The following MYOF variants were observed in gnomAD, a reference collection of about 807,000 sequenced individuals.
The protein encoded by MYOF is myoferlin.
Under a neutral mutation model 284.2 loss-of-function variants are expected in MYOF, and 244 were observed. The ratio of observed to expected loss-of-function variants is 0.86; its 90% CI spans 0.77 to 0.95. MYOF has a LOEUF of 0.95. Ranked by LOEUF, MYOF falls within the 40% of genes least tolerant of loss-of-function variation. The probability of loss-of-function intolerance (pLI) is 0.00; values close to 1 mark genes in which losing one functional copy is unlikely to be tolerated. For missense variants in MYOF, 2,496 were observed against 2,560.6 expected (o/e 0.97, Z 0.54); for synonymous variants, 904 against 919.7 (o/e 0.98, Z 0.31).
chr10:93,454,987 T>TAAAAAAA (rs56013436), intron 2 of MYOF, among the ~76,000 whole-genome samples: 1 of 58,660 alleles, frequency 1.7e-5, no homozygotes. Flanking sequence ...TTTTTTTAAT[T>TAAAAAAA]AAAAAAAAAA....
chr10:93,453,213 T>A (rs2134311029), intron 2 of MYOF, among the ~76,000 whole-genome samples: 1 of 152,108 alleles, frequency 6.6e-6, no homozygotes, highest in South Asian at 2.1e-4. Flanking sequence ...TTGCCCAGGC[T>A]AGAGTGCAGT....
chr10:93,325,648 G>A (rs1410950187), intron 46 of MYOF, among the ~76,000 whole-genome samples, 178 bp downstream of exon 46: 30 of 152,182 alleles, frequency 2.0e-4, no homozygotes, highest in Admixed American at 2.0e-3. Context: ...TAGATTTAGA[G>A]AGTTACCTGA....
At chr10:93,403,092 T>C (rs141804395) in intron 9 of MYOF, among the ~76,000 whole-genome samples, 83 of 152,296 alleles carry the variant, frequency 5.4e-4, no homozygotes, top group Middle Eastern at 3.4e-3. Context: ...TAAGTCACTA[T>C]TGAATGAATG....
At chr10:93,366,285 G>T (rs1416306112) in intron 26 of MYOF, 107 bp downstream of exon 26, 5 of 1,164,868 alleles carry the variant, frequency 4.3e-6, no homozygotes, top group Middle Eastern at 2.0e-4. Context: ...TGCTCAGTGG[G>T]TGTTACATAA....
chr10:93,447,019 G>C (rs1417882468), intron 3 of MYOF, among the ~76,000 whole-genome samples: 1 of 152,008 alleles, frequency 6.6e-6, no homozygotes, highest in Non-Finnish European at 1.5e-5. Context: ...ACCCAGCCTC[G>C]TTTGGTCTTT....
rs56249106 is a variant in MYOF at position 93,406,568 on chromosome 10, A to G, written c.729+2219T>C. Among the ~76,000 whole-genome samples the G allele has an allele frequency of 3.6e-3, 538 of 150,648 alleles. 21 individuals are homozygous for G. In the East Asian group the frequency reaches 0.088, roughly 25 times the overall value. On this transcript the variant is annotated intron_variant, in intron 7 of 53. Coordinates refer to ENST00000359263, the MANE Select transcript of MYOF (RefSeq NM_013451.4). ...TAATCCAGCATCTTGCCTCCTCCCC[A>G]CCCATCCAGTCTTGCCCTCCAACGT...
At chr10:93,462,065 C>T (rs1435834519) in intron 1 of MYOF, among the ~76,000 whole-genome samples, 2 of 149,394 alleles carry the variant, frequency 1.3e-5, no homozygotes, top group African/African-American at 4.9e-5. Context: ...GGGATGCTCA[C>T]TGCAGGCTGG....
chr10:93,424,779 A>AC (rs954932978), intron 5 of MYOF, among the ~76,000 whole-genome samples: 1 of 152,108 alleles, frequency 6.6e-6, no homozygotes, highest in Non-Finnish European at 1.5e-5. Context: ...ACTGGGCAGG[A>AC]CAGGCAGGGA....
At position 93,316,833 on chromosome 10, in the gene MYOF, G is replaced by C; in HGVS notation, c.5599-20C>G. 1 of 1,589,920 alleles carries C rather than the reference G, an allele frequency of 6.3e-7. No individual in the cohort carries two copies. The highest frequency in any genetic ancestry group is 8.6e-7 in the Non-Finnish European group (1 of 1,158,466). On this transcript the variant is annotated intron_variant, in intron 49 of 53. Coordinates refer to ENST00000359263, the MANE Select transcript of MYOF (RefSeq NM_013451.4). ...ATGCTCCTAAAACAAAAAGAAACAT[G>C]ATCATGATGACTCTGAAACACTCAC...
chr10:93,385,823 T>C (rs1341297430), intron 19 of MYOF, among the ~76,000 whole-genome samples: 1 of 150,272 alleles, frequency 6.7e-6, no homozygotes, highest in Non-Finnish European at 1.5e-5. Flanking sequence ...ACATATACTG[T>C]GGGCAATATA....
At chr10:93,459,681 A>G (rs2056830615) in intron 1 of MYOF, among the ~76,000 whole-genome samples, 1 of 152,218 alleles carries the variant, frequency 6.6e-6, no homozygotes, top group African/African-American at 2.4e-5. Context: ...GTCTTGGAAA[A>G]TGTCCATAAG....
intron 53 of MYOF, among the ~76,000 whole-genome samples, chr10:93,309,448 AG>A (rs1842285664): frequency 6.6e-6 from 1 of 152,156 alleles, no homozygotes; most frequent in African/African-American, 2.4e-5. Context: ...GGAACATTTA[AG>A]GGGGAGGTTA....
intron 24 of MYOF, among the ~76,000 whole-genome samples, chr10:93,372,481 G>A (rs1442835366): frequency 6.6e-6 from 1 of 152,086 alleles, no homozygotes; most frequent in Non-Finnish European, 1.5e-5. Flanking sequence ...CTAAAGTTAC[G>A]ATTGTCAAAA....
chr10:93,438,666 T>G (rs954039270), intron 3 of MYOF, among the ~76,000 whole-genome samples: 13 of 151,434 alleles, frequency 8.6e-5, no homozygotes, highest in Non-Finnish European at 1.8e-4. Flanking sequence ...GGGAGTAAAG[T>G]GGAGGAGGTA....
chr10:93,393,542 G>A (rs938427716), intron 16 of MYOF, among the ~76,000 whole-genome samples: 1 of 152,066 alleles, frequency 6.6e-6, no homozygotes, highest in Non-Finnish European at 1.5e-5. Context: ...TAGTTCTTCT[G>A]GATGTTACCA....
chr10:93,354,487 TATC>T (rs1844690837), intron 31 of MYOF, among the ~76,000 whole-genome samples: 1 of 152,196 alleles, frequency 6.6e-6, no homozygotes, highest in African/African-American at 2.4e-5. Context: ...GGGTACTGCT[TATC>T]ATCACAGACC....
At chr10:93,361,668 GA>G (rs2133929497) in intron 27 of MYOF, 111 bp from the exon 28 acceptor site, 1 of 853,690 alleles carries the variant, frequency 1.2e-6, no homozygotes, top group Non-Finnish European at 1.8e-6. Flanking sequence ...CCTTTACTTA[GA>G]TACCATCTTA....
At chr10:93,371,893 G>A (rs1845609596) in intron 24 of MYOF, among the ~76,000 whole-genome samples, 1 of 152,112 alleles carries the variant, frequency 6.6e-6, no homozygotes, top group East Asian at 1.9e-4. Context: ...ACCTAACACA[G>A]AGAAGGTGCC....
intron 1 of MYOF, among the ~76,000 whole-genome samples, chr10:93,476,408 C>T (rs552338971): frequency 3.3e-5 from 5 of 152,018 alleles, no homozygotes; most frequent in East Asian, 3.9e-4. Context: ...CCCACCACCA[C>T]GCCCAGCTAA....
Sources: allele counts gnomAD v4.1 joint callset (sites outside exome capture counted in the v4.1 genomes callset), GRCh38; gene constraint gnomAD v4.1.1; transcripts MANE v1.5; gene names NCBI Gene and HGNC (gene_info 2026-07-23, HGNC 2026-07-21).